Variants in MKRN1 observed in about 807,000 individuals in gnomAD.
The protein encoded by MKRN1 is makorin ring finger protein 1, also known as E3 ubiquitin-protein ligase makorin-1.
Under a neutral mutation model 55.5 loss-of-function variants are expected in MKRN1, and 9 were observed. That is an observed-to-expected ratio of 0.16 (90% CI 0.10 to 0.28). The LOEUF is 0.28. Ranked by LOEUF, MKRN1 falls within the 10% of genes least tolerant of loss-of-function variation. The pLI, the probability that MKRN1 is intolerant of heterozygous loss-of-function variation, is 1.00. For missense variants in MKRN1, 488 were observed against 626.7 expected, an observed-to-expected ratio of 0.78 and a Z score of 2.36; for synonymous variants, 253 against 235.9, an observed-to-expected ratio of 1.07 and a Z score of -0.66.
At position 140,455,104 on chromosome 7, in the gene MKRN1, G is replaced by C; in HGVS notation, c.1227C>G (p.Ser409Arg). ...EPQRQKVGTS[S>R]RYRAQRRNHF... is the part of the protein sequence containing the mutation. ...AAACAGTGAGAGTTACCCGGTATCTGCTTGATGTTCCCACTTTCTGTCTCT... is the reference window on the plus strand; with the variant it reads ...AAACAGTGAGAGTTACCCGGTATCTCCTTGATGTTCCCACTTTCTGTCTCT... The change falls in exon 7 of 8, where the codon AGC becomes AGG. Residue 409 changes from serine (S) to arginine (R), a missense_variant. Physicochemically the swap from Ser to Arg is moderately radical, Grantham distance 110. Coordinates refer to ENST00000255977, the MANE Select transcript of MKRN1 (RefSeq NM_013446.4). The C allele has an allele frequency of 6.2e-7, 1 of 1,613,710 alleles. No individual in the cohort carries two copies. Among genetic ancestry groups the C allele is most frequent in the Non-Finnish European group, 8.5e-7 (1 of 1,179,968 alleles).
In MKRN1 at chr7:140,479,491, T is replaced by C. The variant is rs904627942; in HGVS notation, c.-147A>G. 1.7e-5 allele frequency: 14 copies of C among 835,524 alleles called. No homozygotes were observed. The African/African-American group carries it at 2.5e-4, about 15-fold the overall frequency. 51.8% of individuals were successfully genotyped at this position (835,524 alleles called of 1,614,324 possible). ...CGGTCCCCGCCTGCTACGCGTCGCG[T>C]ATCTGAGCGCTCTCGCCACTTCAAC... On this transcript the variant is annotated 5_prime_UTR_variant, in exon 1 of 8. It adds an upstream start codon to the 5' untranslated region. Coordinates refer to ENST00000255977, the MANE Select transcript of MKRN1 (RefSeq NM_013446.4).
At chr7:140,463,532 C>T (rs1160297136) in intron 2 of MKRN1, among the ~76,000 whole-genome samples, 1 of 152,220 alleles carries the variant, frequency 6.6e-6, no homozygotes, top group Non-Finnish European at 1.5e-5. Context: ...ATTTCCAGTA[C>T]TGCATGAAGT....
At position 140,455,118 on chromosome 7, in the gene MKRN1, C is replaced by A. The variant is rs748286595; in HGVS notation, c.1213G>T (p.Val405Leu). 6.2e-7 allele frequency: 1 copy of A among 1,614,022 alleles called. No homozygotes were observed. The highest frequency in any genetic ancestry group is 8.5e-7 in the Non-Finnish European group (1 of 1,180,016). The change falls in exon 7 of 8, where the codon GTG (valine) becomes TTG (leucine). Residue 405 changes from valine to leucine, a missense_variant. Physicochemically the swap from Val to Leu is conservative, Grantham distance 32 (BLOSUM62 1). Transcript: ENST00000255977. ...GRREEPQRQK[V>L]GTSSRYRAQR... is the part of the protein sequence containing the mutation. ...ACCCGGTATCTGCTTGATGTTCCCA[C>A]TTTCTGTCTCTGTGGCTCCTCTCTA...
intron 1 of MKRN1, 29 bp downstream of exon 1, chr7:140,479,131 G>A: frequency 7.7e-7 from 1 of 1,296,998 alleles, no homozygotes; most frequent in Non-Finnish European, 9.8e-7. Context: ...CCCTCCCCGC[G>A]CCCGGCGCTC....
intron 2 of MKRN1, among the ~76,000 whole-genome samples, chr7:140,462,984 G>T (rs1306286555): frequency 6.6e-6 from 1 of 151,970 alleles, no homozygotes; most frequent in East Asian, 1.9e-4. Context: ...TAAAGACTAT[G>T]CGCGGTGGCT....
chr7:140,476,545 GTT>G (rs72087358), intron 1 of MKRN1, among the ~76,000 whole-genome samples: 37 of 125,920 alleles, frequency 2.9e-4, no homozygotes, highest in Middle Eastern at 4.0e-3. Flanking sequence ...TACAAGTTTT[GTT>G]TTTTTTTTTT....
chr7:140,468,966 A>G (rs1794845279), intron 2 of MKRN1, among the ~76,000 whole-genome samples: 2 of 152,234 alleles, frequency 1.3e-5, no homozygotes, highest in South Asian at 4.1e-4. Flanking sequence ...CACACCATCA[A>G]TAATGTCAGG....
chr7:140,456,780 C>T lies in MKRN1; in HGVS notation c.858G>A (p.Glu286=), dbSNP rs368646881. 2 of 1,613,902 alleles carry T rather than the reference C, an allele frequency of 1.2e-6. No homozygotes were observed. The highest frequency in any genetic ancestry group is 1.7e-6 in the Non-Finnish European group (2 of 1,179,942). ...SKDMVCGICM[E]VVYEKANPSE... ...TGGGGTTGGCTTTCTCATAGACCAC[C>T]TCCATGCAGATCCCACACACCATGT... Residue 286 remains glutamate (E), a synonymous_variant, in exon 5 of 8, where the codon GAG becomes GAA. Coordinates refer to ENST00000255977, the MANE Select transcript of MKRN1 (RefSeq NM_013446.4).
At position 140,459,246 on chromosome 7, in the gene MKRN1, A is replaced by G; in HGVS notation, c.545-13T>C. Reference sequence around the variant, plus strand: ...CAGGAAGGCGCAGCTGAAAATGTGTAAGAGGGTGGTAAAGGTCCAAATAGA... The same window carrying G: ...CAGGAAGGCGCAGCTGAAAATGTGTGAGAGGGTGGTAAAGGTCCAAATAGA... On this transcript the variant is annotated splice_polypyrimidine_tract_variant and intron_variant, in intron 3 of 7. Transcript: ENST00000255977. 2 of 1,613,352 alleles carry G rather than the reference A, an allele frequency of 1.2e-6. No individual in the cohort carries two copies. The highest frequency in any genetic ancestry group is 1.7e-6 in the Non-Finnish European group (2 of 1,179,440).
At chr7:140,459,260 G>A (rs766078366) in intron 3 of MKRN1, 27 bp from the exon 4 acceptor site, 2 of 1,607,162 alleles carry the variant, frequency 1.2e-6, no homozygotes, top group Admixed American at 3.3e-5. Flanking sequence ...GGGTGGTAAA[G>A]GTCCAAATAG....
intron 4 of MKRN1, among the ~76,000 whole-genome samples, chr7:140,457,897 G>T (rs546273624): frequency 6.6e-6 from 1 of 152,106 alleles, no homozygotes; most frequent in Non-Finnish European, 1.5e-5. Context: ...AAAGTACGCT[G>T]AAGATAGGGA....
At chr7:140,470,731 CATG>C (rs1794899632) in intron 2 of MKRN1, among the ~76,000 whole-genome samples, 1 of 152,130 alleles carries the variant, frequency 6.6e-6, no homozygotes, top group East Asian at 1.9e-4. Context: ...GCCTGGCCAA[CATG>C]ATGAAACCCT....
At chr7:140,479,053 C>T (rs867986074) in intron 1 of MKRN1, 107 bp downstream of exon 1, 1 of 1,209,458 alleles carries the variant, frequency 8.3e-7, no homozygotes. Context: ...CGGTCCCCGC[C>T]CTCCCGCGCC....
intron 1 of MKRN1, chr7:140,473,410 T>C (rs1410895899): frequency 6.2e-6 from 2 of 324,760 alleles, no homozygotes; most frequent in Non-Finnish European, 1.2e-5. Context: ...GCCCCCAACA[T>C]AGAGAACAAG....
At chr7:140,468,499 G>C (rs1794832570) in intron 2 of MKRN1, among the ~76,000 whole-genome samples, 1 of 151,174 alleles carries the variant, frequency 6.6e-6, no homozygotes, top group African/African-American at 2.4e-5. Context: ...TCAGGAGTTT[G>C]AGACCAGCCT....
rs1794391829 is a variant in MKRN1, at chr7:140,453,613, G to A, written c.*904C>T. ...ATAACCAGGTAGTTTTAACCTCTAT[G>A]GCTAACCCCATTTCTCTATTTATAT... On this transcript the variant is annotated 3_prime_UTR_variant, in exon 8 of 8. Transcript: ENST00000255977. 6.6e-6 allele frequency: 1 copy of A among 152,282 alleles called. No individual in the cohort carries two copies. Among genetic ancestry groups the A allele is most frequent in the Non-Finnish European group, 1.5e-5 (1 of 68,030 alleles). 9.4% of individuals were successfully genotyped at this position (152,282 alleles called of 1,614,324 possible). A position where few individuals can be genotyped will look rare whatever the true frequency, so the allele number is the denominator to read the frequency against.
intron 6 of MKRN1, 102 bp downstream of exon 6, chr7:140,455,688 G>C (rs572804355): frequency 1.1e-6 from 1 of 893,500 alleles, no homozygotes; most frequent in African/African-American, 1.7e-5. Flanking sequence ...GTCAAAGAAG[G>C]GTAGGAAGGA....
intron 6 of MKRN1, 58 bp downstream of exon 6, chr7:140,455,732 A>G: frequency 1.4e-6 from 2 of 1,397,978 alleles, no homozygotes; most frequent in Non-Finnish European, 2.0e-6. Flanking sequence ...CATTCTTTTC[A>G]AAGTGAACCC....
rs900448073 is a variant in MKRN1 at position 140,459,770 on chromosome 7, C to T, written c.481G>A (p.Ala161Thr). The change falls in exon 3 of 8, where the codon GCA becomes ACA. Residue 161 changes from alanine to threonine, a missense_variant. Physicochemically the swap from Ala to Thr is moderately conservative, Grantham distance 58. This residue lies in a region of MKRN1 where 210 missense variants were observed against 220.0 expected (regional missense o/e 0.95). Coordinates refer to ENST00000255977, the MANE Select transcript of MKRN1 (RefSeq NM_013446.4). The part of the protein sequence containing the change: ...SRNSNFATVG[A>T]GSEDWVNAIE... ...GCATTCACCCAGTCCTCTGAACCTG[C>T]TCCTACAGTTGCAAAGTTTGAATTT... 1.2e-6 allele frequency: 2 copies of T among 1,613,958 alleles called. No individual in the cohort carries two copies. Among genetic ancestry groups the T allele is most frequent in the Non-Finnish European group, 1.7e-6 (2 of 1,179,872 alleles).
Sources: allele counts gnomAD v4.1 joint callset (sites outside exome capture counted in the v4.1 genomes callset), GRCh38; gene constraint gnomAD v4.1.1; regional missense constraint gnomAD v4.1.1; transcripts MANE v1.5; gene names NCBI Gene and HGNC (gene_info 2026-07-23, HGNC 2026-07-21).